UBQLN1: variants seen among roughly 807,000 people sequenced by gnomAD.
The protein encoded by UBQLN1 is ubiquilin-1.
A neutral mutation model predicts 65.4 loss-of-function variants in UBQLN1; 13 were observed. The ratio of observed to expected loss-of-function variants is 0.20; its 90% confidence interval spans 0.13 to 0.32. The LOEUF (loss-of-function observed/expected upper bound fraction) is 0.32, where lower values mean the gene tolerates loss of function less well. Among genes scored for constraint, UBQLN1 ranks in the 10% least tolerant of loss-of-function variants. The pLI is 1.00. For missense variants in UBQLN1, 561 were observed against 724.0 expected, an observed-to-expected ratio of 0.77 and a Z score of 2.58; for synonymous variants, 267 against 247.8, an observed-to-expected ratio of 1.08 and a Z score of -0.73.
intron 8 of UBQLN1, chr9:83,665,362 T>C: frequency 2.5e-6 from 1 of 394,776 alleles, no homozygotes; most frequent in Non-Finnish European, 4.5e-6. Context: ...AAGTCCATCA[T>C]GAAAGCCATT....
chr9:83,706,358 G>A (rs767753674), intron 1 of UBQLN1, among the ~76,000 whole-genome samples: 1 of 152,094 alleles, frequency 6.6e-6, no homozygotes, highest in Non-Finnish European at 1.5e-5. Flanking sequence ...TACAAAAATG[G>A]TAAGGAAAAT....
Position 83,707,577 on chromosome 9 carries a change from T to G in UBQLN1, c.103A>C (p.Lys35Gln). The change falls in exon 1 of 11, where the codon AAA becomes CAA. Residue 35 changes from lysine (K) to glutamine (Q), a missense_variant. Lys to Gln is a moderately conservative substitution (Grantham distance 53). Coordinates refer to ENST00000376395, the MANE Select transcript of UBQLN1 (RefSeq NM_013438.5). ...GTCTTCACGGTGACTTTCATGATTTTGGGCTCCGCGGAGGCAGCGGCCGCG... is the reference window on the plus strand; with the variant it reads ...GTCTTCACGGTGACTTTCATGATTTGGGGCTCCGCGGAGGCAGCGGCCGCG... Reference protein sequence around the residue: ...APAAAASAEPKIMKVTVKTPK... With the variant: ...APAAAASAEPQIMKVTVKTPK... 1 of 1,608,470 alleles carries G rather than the reference T, an allele frequency of 6.2e-7. No homozygotes were observed. Among genetic ancestry groups the G allele is most frequent in the Non-Finnish European group, 8.5e-7 (1 of 1,177,798 alleles).
intron 1 of UBQLN1, among the ~76,000 whole-genome samples, chr9:83,693,544 C>G (rs193019119): frequency 1.9e-3 from 286 of 151,932 alleles, no homozygotes; most frequent in Admixed American, 3.9e-3. Flanking sequence ...TATTTTTAAT[C>G]TGAGGAAGAA....
chr9:83,695,129 C>G (rs573391608), intron 1 of UBQLN1, among the ~76,000 whole-genome samples: 73 of 150,928 alleles, frequency 4.8e-4, no homozygotes, highest in South Asian at 8.3e-4. Flanking sequence ...CATATAAATA[C>G]CTTTCTGGAC....
chr9:83,668,010 T>C (rs891768047), intron 7 of UBQLN1: 109 of 985,294 alleles, frequency 1.1e-4, no homozygotes, highest in Non-Finnish European at 1.3e-4. Flanking sequence ...TAAAGTCAAA[T>C]TTTAAAAGCA....
At chr9:83,682,142 G>A (rs187662832) in intron 3 of UBQLN1, among the ~76,000 whole-genome samples, 70 of 152,076 alleles carry the variant, frequency 4.6e-4, no homozygotes, top group Non-Finnish European at 5.7e-4. Flanking sequence ...AAAATTAGCC[G>A]GGCGTAGTGG....
At chr9:83,683,925 G>T (rs1831993456) in intron 2 of UBQLN1, among the ~76,000 whole-genome samples, 1 of 152,056 alleles carries the variant, frequency 6.6e-6, no homozygotes, top group Non-Finnish European at 1.5e-5. Flanking sequence ...GGAGGCTGAG[G>T]CAGGAAGACT....
chr9:83,666,343 TACTC>T lies in UBQLN1; in HGVS notation c.1332+3_1332+6del. Reference sequence around the variant, plus strand: ...ACCCAAGATAGCTAACATCTTGTCTTACTCACTTGTTGGAGGAAAGTTGGGAGCT... The same window carrying T: ...ACCCAAGATAGCTAACATCTTGTCTTACTTGTTGGAGGAAAGTTGGGAGCT... On this transcript the variant is annotated splice_donor_5th_base_variant and intron_variant, in intron 8 of 10. Transcript: ENST00000376395. The T allele has an allele frequency of 6.2e-7, 1 of 1,613,472 alleles. No homozygotes were observed. The highest frequency in any genetic ancestry group is 8.5e-7 in the Non-Finnish European group (1 of 1,179,438).
intron 7 of UBQLN1, 113 bp downstream of exon 7, chr9:83,669,072 T>C: frequency 3.3e-6 from 4 of 1,215,382 alleles, no homozygotes; most frequent in Non-Finnish European, 4.4e-6. Flanking sequence ...TTACTTATTT[T>C]TCTAGTGTAT....
intron 3 of UBQLN1, among the ~76,000 whole-genome samples, chr9:83,682,460 C>T (rs531257447): frequency 6.6e-6 from 1 of 151,402 alleles, no homozygotes; most frequent in East Asian, 1.9e-4. Flanking sequence ...GCCTCCGTGA[C>T]TGAGCAAGAT....
At chr9:83,706,572 C>G (rs977662318) in intron 1 of UBQLN1, among the ~76,000 whole-genome samples, 1 of 152,158 alleles carries the variant, frequency 6.6e-6, no homozygotes, top group African/African-American at 2.4e-5. Context: ...CAACTGTTCA[C>G]GTTGTTTGCG....
chr9:83,702,876 G>A (rs1000776443), intron 1 of UBQLN1, among the ~76,000 whole-genome samples: 2 of 152,146 alleles, frequency 1.3e-5, no homozygotes, highest in Non-Finnish European at 2.9e-5. Context: ...TTATGTCTAA[G>A]TATATTAATA....
intron 1 of UBQLN1, among the ~76,000 whole-genome samples, chr9:83,705,226 TGCTGCTGAA>T (rs1832379739): frequency 6.8e-6 from 1 of 146,606 alleles, no homozygotes; most frequent in Non-Finnish European, 1.5e-5. Context: ...TCAGTATATG[TGCTGCTGAA>T]GCCAGCACTC....
At chr9:83,706,510 T>C (rs1327351739) in intron 1 of UBQLN1, among the ~76,000 whole-genome samples, 4 of 152,242 alleles carry the variant, frequency 2.6e-5, no homozygotes, top group African/African-American at 9.6e-5. Flanking sequence ...AATCACCTAC[T>C]GTCCCTGGGG....
At chr9:83,698,125 T>C (rs1447443246) in intron 1 of UBQLN1, among the ~76,000 whole-genome samples, 1 of 152,228 alleles carries the variant, frequency 6.6e-6, no homozygotes, top group Non-Finnish European at 1.5e-5. Context: ...CATCATGCCT[T>C]ATAAATCATG....
intron 5 of UBQLN1, 118 bp downstream of exon 5, chr9:83,678,323 T>C: frequency 7.5e-7 from 1 of 1,325,786 alleles, no homozygotes; most frequent in Non-Finnish European, 1.0e-6. Context: ...ACCCGGCCAC[T>C]GAACTTTTTA....
chr9:83,707,842 C>A lies in UBQLN1; in HGVS notation c.-163G>T. The A allele has an allele frequency of 9.1e-7, 1 of 1,097,524 alleles. No individual in the cohort carries two copies. The highest frequency in any genetic ancestry group is 1.8e-5 in the South Asian group (1 of 57,036). 68.0% of individuals were successfully genotyped at this position (1,097,524 alleles called of 1,614,324 possible). A position where few individuals can be genotyped will look rare whatever the true frequency, so the allele number is the denominator to read the frequency against. ...AGGGCCACCGTAGCGGGTGTGGGGC[C>A]CCGGAGCTCGGTGCAGGCTCTGGCG... On this transcript the variant is annotated 5_prime_UTR_variant, in exon 1 of 11. Transcript: ENST00000376395.
chr9:83,669,258 T>C lies in UBQLN1; in HGVS notation c.1175A>G (p.Gln392Arg). ...QQITENPQLMQNMLSAPYMRS... is the reference protein window; with the variant it reads ...QQITENPQLMRNMLSAPYMRS... ...CATGTAGGGGGCAGACAACATGTTT[T>C]GCATCAGTTGTGGGTTTTCAGTTAT... The change falls in exon 7 of 11, where the codon CAA becomes CGA. Residue 392 changes from glutamine (Q) to arginine (R), a missense_variant. Physicochemically the swap from Gln to Arg is conservative, Grantham distance 43. Transcript: ENST00000376395. 6.2e-7 allele frequency: 1 copy of C among 1,613,062 alleles called. No homozygotes were observed. The highest frequency in any genetic ancestry group is 8.5e-7 in the Non-Finnish European group (1 of 1,179,796).
At chr9:83,670,576 A>G (rs907165300) in intron 6 of UBQLN1, among the ~76,000 whole-genome samples, 2 of 152,190 alleles carry the variant, frequency 1.3e-5, no homozygotes, top group Admixed American at 6.5e-5. Flanking sequence ...ATATAAAAAT[A>G]CTTTATTGCC....
Sources: gnomAD v4.1 joint callset for allele counts (sites outside exome capture counted in the v4.1 genomes callset) on GRCh38, gnomAD v4.1.1 for gene constraint, MANE v1.5 for transcripts, NCBI Gene and HGNC (gene_info 2026-07-23, HGNC 2026-07-21) for gene names.